STOX2: variants seen among roughly 807,000 people sequenced by gnomAD.
STOX2 encodes the protein storkhead box 2, also known as storkhead-box protein 2.
A neutral mutation model predicts 60.9 loss-of-function variants in STOX2; 28 were observed. The ratio of observed to expected loss-of-function variants is 0.46; its 90% CI spans 0.34 to 0.63. The LOEUF (loss-of-function observed/expected upper bound fraction) is 0.63. Ranked by LOEUF, STOX2 falls within the 30% of genes least tolerant of loss-of-function variation. STOX2 has a pLI of 0.01. For synonymous variants in STOX2, 472 were observed against 463.9 expected, an observed-to-expected ratio of 1.02 and a Z score of -0.22; for missense variants, 1,024 against 1,187.7, an observed-to-expected ratio of 0.86 and a Z score of 2.03.
intron 1 of STOX2, chr4:183,798,775 C>T: frequency 1.0e-6 from 1 of 985,422 alleles, no homozygotes; most frequent in Non-Finnish European, 1.2e-6. Context: ...GTGAAGGTCG[C>T]CGCCGCGTTT....
At chr4:183,808,349 G>T (rs1561101077) in intron 1 of STOX2, among the ~76,000 whole-genome samples, 1 of 152,160 alleles carries the variant, frequency 6.6e-6, no homozygotes, top group Non-Finnish European at 1.5e-5. Context: ...CCTCTGTCCT[G>T]GGTTGGTCGT....
At position 184,023,222 on chromosome 4, in the gene STOX2, A is replaced by G. The variant is rs1734656586; in HGVS notation, c.*5938A>G. The G allele has an allele frequency of 6.6e-6, 1 of 152,224 alleles. No homozygotes were observed. The highest frequency in any genetic ancestry group is 2.4e-5 in the African/African-American group (1 of 41,452). The allele number at this position is 152,224 out of a possible 1,614,324, so 9.4% of individuals were successfully genotyped here. ...CATCCAAGATGGATGTTCTGTTTAT[A>G]TTGTATAGTATTTCATATGAAATAA... On this transcript the variant is annotated 3_prime_UTR_variant, in exon 4 of 4. Coordinates refer to ENST00000308497, the MANE Select transcript of STOX2 (RefSeq NM_020225.3).
rs369084419 is a variant in STOX2 at position 184,009,743 on chromosome 4, C to T, written c.905C>T (p.Thr302Met). The stretch of plus-strand genomic sequence containing the variant: ...GAGTGGCCCCTGCGAGACGAGGACA[C>T]GCCAGCTACGATCCCTCGGGAAGTA... ...PEEWPLRDED[T>M]PATIPREVEM... The change falls in exon 3 of 4, where the codon ACG becomes ATG. Residue 302 changes from threonine to methionine, a missense_variant. Around this residue, in one of 3 missense-constraint regions of STOX2, gnomAD observed 922 missense variants for 1,058.3 expected, o/e 0.87. Transcript: ENST00000308497. This position sits in a 1 kb window ranked among gnomAD's most constrained non-coding sequence, Gnocchi z 4.0. 4.3e-5 allele frequency: 70 copies of T among 1,613,404 alleles called. 1 individual carries two copies. Among genetic ancestry groups the T allele is most frequent in the Non-Finnish European group, 5.2e-5 (61 of 1,179,740 alleles).
At chr4:183,890,596 G>A (rs2111182056) in intron 1 of STOX2, among the ~76,000 whole-genome samples, 1 of 135,012 alleles carries the variant, frequency 7.4e-6, no homozygotes, top group Non-Finnish European at 1.6e-5. Context: ...GATGATGGAG[G>A]GCAGAAAGGA....
chr4:183,800,630 T>C (rs1738740350), intron 1 of STOX2, among the ~76,000 whole-genome samples: 5 of 152,218 alleles, frequency 3.3e-5, no homozygotes, highest in Admixed American at 1.3e-4. Flanking sequence ...TTCCCACTTG[T>C]TGAACTTGAA....
intron 1 of STOX2, among the ~76,000 whole-genome samples, chr4:183,875,360 A>G (rs1579361480): frequency 6.6e-6 from 1 of 152,038 alleles, no homozygotes. Flanking sequence ...GGGGCAGGGG[A>G]AGGAGGCAAT....
intron 1 of STOX2, among the ~76,000 whole-genome samples, chr4:183,838,500 T>C (rs1739769272): frequency 6.6e-6 from 1 of 152,240 alleles, no homozygotes; most frequent in Admixed American, 6.5e-5. Flanking sequence ...TGAACATATC[T>C]ATATAAATCT....
At chr4:183,902,590 T>A (rs1057134970), upstream of STOX2, among the ~76,000 whole-genome samples, 1 of 152,254 alleles carries the variant, frequency 6.6e-6, no homozygotes, top group Non-Finnish European at 1.5e-5. Context: ...CCCAGGGACA[T>A]AGGGGTTGTA....
chr4:183,868,270 T>G (rs1740617391), intron 1 of STOX2, among the ~76,000 whole-genome samples: 1 of 152,078 alleles, frequency 6.6e-6, no homozygotes, highest in Non-Finnish European at 1.5e-5. Flanking sequence ...TTTCTTTACA[T>G]TGTTTCTAGG....
At chr4:183,941,332 C>A (rs1742748219) in intron 1 of STOX2, among the ~76,000 whole-genome samples, 1 of 152,122 alleles carries the variant, frequency 6.6e-6, no homozygotes, top group Non-Finnish European at 1.5e-5. Context: ...CTTTGGGAGG[C>A]CAAGGTGGGC....
Position 184,001,807 on chromosome 4 carries a change from G to A in STOX2, c.319+330G>A, listed in dbSNP as rs1325733254. On this transcript the variant is annotated intron_variant, in intron 2 of 3. Transcript: ENST00000308497. The surrounding 1 kb of genome is among the most constrained non-coding windows in gnomAD (Gnocchi z 4.2). ...AAATACATGAACGTGAGGGTTCAAC[G>A]GCTGAAAACTTTAGTCCTAGGGAGT... is the stretch of plus-strand genomic sequence containing the variant. 1.3e-5 allele frequency among the ~76,000 whole-genome samples: 2 copies of A among 152,012 alleles called. No individual in the cohort carries two copies. Among genetic ancestry groups the A allele is most frequent in the Non-Finnish European group, 2.9e-5 (2 of 68,010 alleles).
intron 1 of STOX2, among the ~76,000 whole-genome samples, chr4:183,862,870 G>A (rs1321411699): frequency 1.3e-5 from 2 of 152,146 alleles, no homozygotes; most frequent in Non-Finnish European, 2.9e-5. Flanking sequence ...TCCCTGGACC[G>A]TCACTACCAC....
At chr4:183,916,523 T>C (rs1369733146) in intron 1 of STOX2, among the ~76,000 whole-genome samples, 2 of 152,182 alleles carry the variant, frequency 1.3e-5, no homozygotes, top group East Asian at 3.8e-4. Context: ...TGAATTAATA[T>C]GTGTAAAGCT....
Position 183,883,486 on chromosome 4 carries a change from A to G in STOX2, c.364+85431A>G, listed in dbSNP as rs551656809. ...AGGCACCTGCCACCACGCCCAGCTA[A>G]TTTTTTGTTTTTTAGTAGGGATGGT... On this transcript the variant is annotated intron_variant, in intron 1 of 2. Coordinates refer to the STOX2 transcript ENST00000513034. Among the ~76,000 whole-genome samples the G allele has an allele frequency of 7.9e-5, 12 of 151,884 alleles. No homozygotes were observed. In the East Asian group the frequency reaches 1.7e-3, roughly 22 times the overall value.
chr4:183,807,005 C>CTCTG (rs1207330755), intron 1 of STOX2, among the ~76,000 whole-genome samples: 2 of 151,424 alleles, frequency 1.3e-5, no homozygotes, highest in African/African-American at 4.9e-5. Flanking sequence ...CGGAGTCTTG[C>CTCTG]TCTGTCGCCC....
intron 1 of STOX2, among the ~76,000 whole-genome samples, chr4:183,839,607 T>C (rs1468445118): frequency 6.6e-6 from 1 of 152,204 alleles, no homozygotes; most frequent in African/African-American, 2.4e-5. Context: ...AAAGTTACTG[T>C]GACTGTGTGC....
chr4:183,862,780 G>A (rs1740478335), intron 1 of STOX2, among the ~76,000 whole-genome samples: 1 of 152,200 alleles, frequency 6.6e-6, no homozygotes, highest in South Asian at 2.1e-4. Flanking sequence ...TCAGAAGAGG[G>A]AGGGATCGCG....
intron 1 of STOX2, among the ~76,000 whole-genome samples, chr4:183,870,936 T>C (rs936341116): frequency 6.6e-6 from 1 of 152,254 alleles, no homozygotes; most frequent in Non-Finnish European, 1.5e-5. Flanking sequence ...TGAAATCTTA[T>C]ATGATTCTAT....
intron 1 of STOX2, among the ~76,000 whole-genome samples, chr4:184,000,930 A>G (rs570400109): frequency 1.3e-5 from 2 of 152,332 alleles, no homozygotes; most frequent in South Asian, 2.1e-4. Flanking sequence ...AACGCGTTCA[A>G]TGTGTGAATG....
Sources: gnomAD v4.1 joint callset for allele counts (sites outside exome capture counted in the v4.1 genomes callset) on GRCh38, gnomAD v4.1.1 for gene constraint, gnomAD v4.1.1 regional missense constraint, Gnocchi (gnomAD v3.1) non-coding constraint, MANE v1.5 for transcripts, NCBI Gene and HGNC (gene_info 2026-07-23, HGNC 2026-07-21) for gene names.